The following INSYN2B variants were observed in gnomAD, a reference collection of about 807,000 sequenced individuals.
INSYN2B encodes protein INSYN2B.
INSYN2B carries 16 observed loss-of-function variants against 41.2 expected under a neutral mutation model. The observed-to-expected ratio is 0.39, with a 90% CI of 0.26 to 0.59. The LOEUF (loss-of-function observed/expected upper bound fraction) is 0.59, where lower values mean the gene tolerates loss of function less well. Ranked by LOEUF, INSYN2B falls within the 20% of genes least tolerant of loss-of-function variation. INSYN2B has a pLI of 0.57. For missense variants in INSYN2B, 608 were observed against 646.4 expected, an observed-to-expected ratio of 0.94 and a Z score of 0.64; for synonymous variants, 245 against 244.4, an observed-to-expected ratio of 1.00 and a Z score of -0.02.
At chr5:169,869,489 T>C (rs1297089791) in intron 3 of INSYN2B, among the ~76,000 whole-genome samples, 2 of 152,234 alleles carry the variant, frequency 1.3e-5, no homozygotes, top group African/African-American at 4.8e-5. Context: ...ACTTTTCTTT[T>C]TATTCATCCG....
chr5:169,861,939 T>TTC lies in INSYN2B; in HGVS notation c.*2333_*2334insGA, dbSNP rs1771226161. Among the ~76,000 whole-genome samples, 1 of 62,274 alleles carries TTC rather than the reference T, an allele frequency of 1.6e-5. No homozygotes were observed. Among genetic ancestry groups the TTC allele is most frequent in the South Asian group, 6.0e-4 (1 of 1,672 alleles). The allele number at this position is 62,274 out of a possible 152,430, so 40.9% of individuals were successfully genotyped here. On this transcript the variant is annotated 3_prime_UTR_variant, in exon 4 of 4. Transcript: ENST00000377365. ...TATTTTTTTCTTTTCTTTTCTTTTC[T>TTC]TTTTTTTTTGTTGGGGAAGTGCAGA...
intron 1 of INSYN2B, among the ~76,000 whole-genome samples, chr5:169,970,339 A>G (rs1013575292): frequency 2.0e-4 from 31 of 152,256 alleles, no homozygotes; most frequent in African/African-American, 7.5e-4. Context: ...AAAAGTAAAG[A>G]AGAATGTATT....
intron 3 of INSYN2B, among the ~76,000 whole-genome samples, chr5:169,865,983 T>G (rs1771525494): frequency 6.6e-6 from 1 of 152,114 alleles, no homozygotes; most frequent in African/African-American, 2.4e-5. Context: ...AAAGAGTGCC[T>G]CGTCCCTGAG....
intron 1 of INSYN2B, among the ~76,000 whole-genome samples, chr5:169,899,681 T>C (rs1294382040): frequency 6.6e-6 from 1 of 152,192 alleles, no homozygotes; most frequent in East Asian, 1.9e-4. Context: ...CCACGTTTTG[T>C]TGGGAGATGG....
At chr5:169,922,520 G>A (rs1191439781) in intron 1 of INSYN2B, among the ~76,000 whole-genome samples, 1 of 152,132 alleles carries the variant, frequency 6.6e-6, no homozygotes, top group Non-Finnish European at 1.5e-5. Flanking sequence ...GTAGATCTTG[G>A]CCATCACCTT....
Position 169,883,173 on chromosome 5 carries a change from A to T in INSYN2B, c.726T>A (p.Gly242=), listed in dbSNP as rs1295385672. 13 of 1,551,298 alleles carry T rather than the reference A, an allele frequency of 8.4e-6. No homozygotes were observed. In the East Asian group the frequency reaches 3.2e-4, roughly 38 times the overall value. ...CTAGTGGAGTCACCCTTCTCCCATC[A>T]CCTGGACGTGTGTCATCCAAAGGGT... ...SIHPLDDTRP[G]DGRRVTPLDS... is the part of the protein sequence containing the mutation. The change falls in exon 2 of 4, where the codon GGT becomes GGA. Residue 242 remains glycine, a synonymous_variant. Coordinates refer to ENST00000377365, the MANE Select transcript of INSYN2B (RefSeq NM_001129891.3).
intron 1 of INSYN2B, among the ~76,000 whole-genome samples, chr5:169,930,707 C>T (rs1330953207): frequency 1.3e-5 from 2 of 152,184 alleles, no homozygotes; most frequent in Non-Finnish European, 2.9e-5. Context: ...AGAAGGGTTG[C>T]TTCTCTCACT....
At chr5:169,925,381 A>T (rs1316134008) in intron 1 of INSYN2B, among the ~76,000 whole-genome samples, 1 of 152,200 alleles carries the variant, frequency 6.6e-6, no homozygotes, top group South Asian at 2.1e-4. Flanking sequence ...GGCGTTAAAG[A>T]CCAGCCTGGC....
chr5:169,975,497 T>C (rs1777683335), intron 1 of INSYN2B, among the ~76,000 whole-genome samples: 1 of 152,174 alleles, frequency 6.6e-6, no homozygotes, highest in Non-Finnish European at 1.5e-5. Flanking sequence ...CCCTCAGTCA[T>C]ACCTTTCCAC....
intron 1 of INSYN2B, among the ~76,000 whole-genome samples, chr5:169,887,788 T>G (rs955809388): frequency 2.3e-4 from 35 of 152,206 alleles, no homozygotes; most frequent in African/African-American, 8.4e-4. Context: ...TTAGATTTCG[T>G]TGATACTACC....
At chr5:169,973,926 C>G (rs779202793) in intron 1 of INSYN2B, among the ~76,000 whole-genome samples, 1 of 152,168 alleles carries the variant, frequency 6.6e-6, no homozygotes. Context: ...TCCATTCCTC[C>G]TCTTCTATAT....
chr5:169,915,423 C>T (rs978966956), intron 1 of INSYN2B, among the ~76,000 whole-genome samples: 2 of 152,076 alleles, frequency 1.3e-5, no homozygotes, highest in African/African-American at 4.8e-5. Flanking sequence ...TGGTGGAAAA[C>T]TGAAAACCAA....
intron 1 of INSYN2B, among the ~76,000 whole-genome samples, chr5:169,936,578 CTTT>C (rs4041977): frequency 3.3e-5 from 4 of 122,824 alleles, no homozygotes; most frequent in Non-Finnish European, 5.0e-5. Flanking sequence ...TCTCAGACTC[CTTT>C]TTTTTTTTTT....
At chr5:169,916,229 A>T (rs1774869230) in intron 1 of INSYN2B, among the ~76,000 whole-genome samples, 1 of 152,202 alleles carries the variant, frequency 6.6e-6, no homozygotes, top group Non-Finnish European at 1.5e-5. Flanking sequence ...TCTTCTAAAC[A>T]AGTTACCTCT....
intron 1 of INSYN2B, among the ~76,000 whole-genome samples, chr5:169,896,356 G>T (rs1311121450): frequency 6.6e-6 from 1 of 152,156 alleles, no homozygotes; most frequent in Admixed American, 6.5e-5. Flanking sequence ...TGGCATGGTG[G>T]ACAAGAGCTT....
intron 3 of INSYN2B, among the ~76,000 whole-genome samples, chr5:169,865,423 C>T (rs1644894387): frequency 2.0e-5 from 3 of 152,158 alleles, no homozygotes; most frequent in South Asian, 4.1e-4. Flanking sequence ...CTCAGGGACT[C>T]TCAGCCTGCT....
chr5:169,926,334 T>G (rs1775454844), intron 1 of INSYN2B, among the ~76,000 whole-genome samples: 1 of 152,230 alleles, frequency 6.6e-6, no homozygotes. Context: ...CTGTTCTTAC[T>G]TTTGATGAAT....
At chr5:169,892,888 A>C (rs1290180889) in intron 1 of INSYN2B, among the ~76,000 whole-genome samples, 1 of 148,788 alleles carries the variant, frequency 6.7e-6, no homozygotes, top group Non-Finnish European at 1.5e-5. Flanking sequence ...CTCTGTCTTC[A>C]CTCCTTCTTT....
At chr5:169,886,598 G>T (rs1355650086) in intron 1 of INSYN2B, among the ~76,000 whole-genome samples, 1 of 152,190 alleles carries the variant, frequency 6.6e-6, no homozygotes, top group African/African-American at 2.4e-5. Flanking sequence ...ACTGTTAAAT[G>T]CTATGTTAGC....
Sources: gnomAD v4.1 joint callset for allele counts (sites outside exome capture counted in the v4.1 genomes callset) on GRCh38, gnomAD v4.1.1 for gene constraint, MANE v1.5 for transcripts, NCBI Gene and HGNC (gene_info 2026-07-23, HGNC 2026-07-21) for gene names.